Variants in PDE11A observed in about 807,000 individuals in gnomAD.
PDE11A encodes the protein phosphodiesterase 11A.
Under a neutral mutation model 100.5 loss-of-function variants are expected in PDE11A, and 100 were observed. The observed-to-expected ratio is 1.00, with a 90% CI of 0.85 to 1.18. The LOEUF is 1.18. Among genes scored for constraint, PDE11A ranks in the 50% most tolerant of loss-of-function variants. The probability of loss-of-function intolerance (pLI) is 0.00; values close to 1 mark genes in which losing one functional copy is unlikely to be tolerated. For synonymous variants in PDE11A, 381 were observed against 420.8 expected (o/e 0.91, Z 1.16); for missense variants, 1,141 against 1,152.6 (o/e 0.99, Z 0.15).
intron 2 of PDE11A, among the ~76,000 whole-genome samples, chr2:178,089,361 C>G (rs1183083751): frequency 6.6e-6 from 1 of 152,120 alleles, no homozygotes; most frequent in African/African-American, 2.4e-5. Context: ...AAAGATTGAG[C>G]TCAACTATAA....
chr2:178,032,021 C>T (rs2086554592), intron 1 of PDE11A, among the ~76,000 whole-genome samples: 1 of 151,958 alleles, frequency 6.6e-6, no homozygotes, highest in African/African-American at 2.4e-5. Flanking sequence ...AGTAAAAAAC[C>T]CATGCACATA....
At chr2:177,822,272 G>A (rs2083153053) in intron 6 of PDE11A, among the ~76,000 whole-genome samples, 1 of 151,648 alleles carries the variant, frequency 6.6e-6, no homozygotes, top group Non-Finnish European at 1.5e-5. Flanking sequence ...TGTATAATAT[G>A]AGCTAGGAGT....
chr2:177,856,424 A>G (rs2105660258), intron 5 of PDE11A, among the ~76,000 whole-genome samples: 1 of 152,182 alleles, frequency 6.6e-6, no homozygotes, highest in South Asian at 2.1e-4. Context: ...CATATATGAA[A>G]AAACAGTCAA....
At chr2:177,806,530 AC>A (rs777401036) in intron 9 of PDE11A, among the ~76,000 whole-genome samples, 16 of 152,188 alleles carry the variant, frequency 1.1e-4, no homozygotes, top group African/African-American at 1.9e-4. Flanking sequence ...ATAGAACAAA[AC>A]AAAAGATTTT....
chr2:177,967,476 G>A (rs1436003266), intron 2 of PDE11A, among the ~76,000 whole-genome samples: 1 of 151,992 alleles, frequency 6.6e-6, no homozygotes, highest in Admixed American at 6.6e-5. Flanking sequence ...TGGGATTACA[G>A]GTGTGAGTGA....
chr2:178,053,655 C>T (rs962021481), intron 1 of PDE11A, among the ~76,000 whole-genome samples: 1 of 151,750 alleles, frequency 6.6e-6, no homozygotes, highest in Non-Finnish European at 1.5e-5. Flanking sequence ...TGATAAGCAA[C>T]TTCAGCAGTC....
At chr2:178,017,119 A>T (rs2086348435) in intron 1 of PDE11A, among the ~76,000 whole-genome samples, 1 of 152,270 alleles carries the variant, frequency 6.6e-6, no homozygotes, top group African/African-American at 2.4e-5. Context: ...AATATTTTTT[A>T]AATAATTTAT....
intron 2 of PDE11A, among the ~76,000 whole-genome samples, chr2:178,086,207 T>C (rs919457834): frequency 7.9e-5 from 12 of 152,222 alleles, no homozygotes; most frequent in Non-Finnish European, 1.3e-4. Flanking sequence ...CCTTCCTACA[T>C]GGTGGTGTAG....
At chr2:177,840,155 A>G (rs3770054) in intron 6 of PDE11A, 96 bp downstream of exon 6, 284,186 of 1,303,662 alleles carry the variant, frequency 0.22, 31,917 homozygotes, top group Middle Eastern at 0.23. Context: ...GAAGGATGCA[A>G]AAGAATTGCT....
intron 6 of PDE11A, among the ~76,000 whole-genome samples, chr2:177,834,821 GA>G: frequency 6.6e-6 from 1 of 152,156 alleles, no homozygotes; most frequent in South Asian, 2.1e-4. Context: ...CAGCCTTGCA[GA>G]TATAGGGAGC....
At chr2:177,982,828 T>G (rs1331036764) in intron 2 of PDE11A, among the ~76,000 whole-genome samples, 2 of 150,756 alleles carry the variant, frequency 1.3e-5, no homozygotes, top group African/African-American at 4.8e-5. Flanking sequence ...GTAATTCCAG[T>G]ACTTTGGGAG....
intron 4 of PDE11A, among the ~76,000 whole-genome samples, chr2:177,895,350 C>T (rs768981065): frequency 6.6e-5 from 10 of 151,974 alleles, no homozygotes; most frequent in Non-Finnish European, 1.3e-4. Context: ...GTCAGGAGTT[C>T]GAGACCAGCC....
intron 3 of PDE11A, among the ~76,000 whole-genome samples, chr2:177,899,338 C>T (rs2105729012): frequency 6.6e-6 from 1 of 152,180 alleles, no homozygotes; most frequent in Admixed American, 6.5e-5. Context: ...ACCCAGGGAG[C>T]AGAGGTTGCA....
intron 19 of PDE11A, among the ~76,000 whole-genome samples, chr2:177,632,288 G>C (rs1029237186): frequency 1.3e-5 from 2 of 152,180 alleles, no homozygotes; most frequent in African/African-American, 4.8e-5. Context: ...TGTTTTTAGA[G>C]ACTGTGATGA....
At chr2:177,904,085 AC>A (rs1329716484) in intron 3 of PDE11A, among the ~76,000 whole-genome samples, 1 of 152,316 alleles carries the variant, frequency 6.6e-6, no homozygotes, top group African/African-American at 2.4e-5. Flanking sequence ...AGGGTTTCAA[AC>A]CTTTTTGAAC....
At chr2:177,972,233 AG>A (rs1011880614) in intron 2 of PDE11A, among the ~76,000 whole-genome samples, 2 of 152,234 alleles carry the variant, frequency 1.3e-5, no homozygotes, top group Non-Finnish European at 2.9e-5. Context: ...CTGACACTGA[AG>A]GGCATGCAGG....
chr2:178,015,750 G>C (rs1267451704), intron 1 of PDE11A, among the ~76,000 whole-genome samples: 1 of 152,104 alleles, frequency 6.6e-6, no homozygotes, highest in African/African-American at 2.4e-5. Flanking sequence ...TGGATGGAAG[G>C]AGGGAGGGAG....
intron 6 of PDE11A, among the ~76,000 whole-genome samples, chr2:177,838,714 A>G (rs2083443127): frequency 1.3e-5 from 2 of 152,214 alleles, no homozygotes; most frequent in African/African-American, 4.8e-5. Context: ...CTTCTCTGAT[A>G]TAAAATCAGT....
At chr2:178,099,438 T>C (rs1172238126) in intron 2 of PDE11A, among the ~76,000 whole-genome samples, 2 of 113,994 alleles carry the variant, frequency 1.8e-5, no homozygotes, top group Admixed American at 1.1e-4. Flanking sequence ...TGAGACTCCA[T>C]CTCAAGAGAA....
Sources: allele counts gnomAD v4.1 joint callset (sites outside exome capture counted in the v4.1 genomes callset), GRCh38; gene constraint gnomAD v4.1.1; transcripts MANE v1.5; gene names NCBI Gene and HGNC (gene_info 2026-07-23, HGNC 2026-07-21).